LIN28B: variants seen among roughly 807,000 people sequenced by gnomAD.
LIN28B encodes lin-28 RNA binding posttranscriptional regulator B.
A neutral mutation model predicts 21.9 loss-of-function variants in LIN28B; 5 were observed. That is an observed-to-expected ratio of 0.23 (90% CI 0.12 to 0.48). LIN28B has a LOEUF of 0.48. LIN28B is among the 20% of genes least tolerant of loss of function. The pLI, the probability that LIN28B is intolerant of heterozygous loss-of-function variation, is 0.98. For missense variants in LIN28B, 245 were observed against 310.5 expected (o/e 0.79, Z 1.58); for synonymous variants, 109 against 111.3 (o/e 0.98, Z 0.13).
At chr6:104,983,645 C>T (rs561158867) in intron 2 of LIN28B, among the ~76,000 whole-genome samples, 20 of 152,292 alleles carry the variant, frequency 1.3e-4, no homozygotes, top group South Asian at 1.2e-3. Context: ...GGTGCTATCT[C>T]GGCTCGCTGC....
intron 3 of LIN28B, among the ~76,000 whole-genome samples, chr6:105,063,649 A>AAG (rs1554191040): frequency 4.3e-5 from 2 of 46,668 alleles, no homozygotes; most frequent in Admixed American, 2.2e-4. Context: ...GGGGGGGGGG[A>AAG]AAAAAAGGTA....
intron 3 of LIN28B, among the ~76,000 whole-genome samples, chr6:105,035,603 A>T (rs1190932680): frequency 6.6e-6 from 1 of 152,210 alleles, no homozygotes; most frequent in Non-Finnish European, 1.5e-5. Context: ...AACCTGGCTT[A>T]TGGTTATAAC....
intron 2 of LIN28B, among the ~76,000 whole-genome samples, chr6:105,012,195 C>T (rs761138581): frequency 6.7e-6 from 1 of 148,214 alleles, no homozygotes; most frequent in African/African-American, 2.5e-5. Flanking sequence ...GGGCTGGGTG[C>T]GGTGGCTCAC....
At chr6:105,043,588 GT>G (rs557033563) in intron 3 of LIN28B, among the ~76,000 whole-genome samples, 160 of 140,640 alleles carry the variant, frequency 1.1e-3, no homozygotes, top group Middle Eastern at 7.2e-3. Context: ...TTTGTTTATG[GT>G]TTTTTTTTTT....
Position 105,053,382 on chromosome 6 carries a change from GGTGT to G in LIN28B, c.384-25004_384-25001del, listed in dbSNP as rs112180054. ...AGTGTAGCCCAAATCTATGTCTTAT[GGTGT>G]GTGTGTGTGTGTGTGTGTGTGTGTG... is the stretch of plus-strand genomic sequence containing the variant. On this transcript the variant is annotated intron_variant, in intron 3 of 3. Coordinates refer to ENST00000345080, the MANE Select transcript of LIN28B (RefSeq NM_001004317.4). Among the ~76,000 whole-genome samples, 259 of 146,638 alleles carry G rather than the reference GGTGT, an allele frequency of 1.8e-3. 1 individual carries two copies. The highest frequency in any genetic ancestry group is 5.5e-3 in the East Asian group (27 of 4,890).
intron 2 of LIN28B, among the ~76,000 whole-genome samples, chr6:105,025,822 T>C (rs1771276310): frequency 6.6e-6 from 1 of 151,930 alleles, no homozygotes; most frequent in African/African-American, 2.4e-5. Flanking sequence ...TTTTTTTAAC[T>C]CAACAATATG....
chr6:104,995,007 C>T (rs1324069882), intron 2 of LIN28B, among the ~76,000 whole-genome samples: 1 of 152,130 alleles, frequency 6.6e-6, no homozygotes, highest in Non-Finnish European at 1.5e-5. Flanking sequence ...ACTTACTGTC[C>T]AAAGGAAATA....
chr6:104,997,267 C>T (rs1413516158), intron 2 of LIN28B, among the ~76,000 whole-genome samples: 10 of 139,828 alleles, frequency 7.2e-5, no homozygotes, highest in African/African-American at 2.4e-4. Context: ...CGCGACAGAA[C>T]GAGACTCCGT....
chr6:104,945,171 C>T (rs1387724399), intron 2 of LIN28B, among the ~76,000 whole-genome samples: 2 of 152,028 alleles, frequency 1.3e-5, no homozygotes, highest in Non-Finnish European at 2.9e-5. Context: ...TAGAAAAAAT[C>T]TGTAAATTAT....
intron 2 of LIN28B, chr6:104,940,101 A>T (rs1582852315): frequency 1.2e-5 from 2 of 164,644 alleles, no homozygotes; most frequent in African/African-American, 4.8e-5. Flanking sequence ...GAAAAGAAAC[A>T]GCTGACAGTA....
At chr6:104,996,438 A>G (rs1046335374) in intron 2 of LIN28B, among the ~76,000 whole-genome samples, 4 of 152,208 alleles carry the variant, frequency 2.6e-5, no homozygotes, top group African/African-American at 9.7e-5. Flanking sequence ...CTCTTGGCCT[A>G]ACAGATAGTG....
rs529940931 is a variant in LIN28B at position 105,082,331 on chromosome 6, G to A, written c.*3548G>A. 8 of 152,686 alleles carry A rather than the reference G, an allele frequency of 5.2e-5. No individual in the cohort carries two copies. Among genetic ancestry groups the A allele is most frequent in the Admixed American group, 2.0e-4 (3 of 15,294 alleles). The allele number at this position is 152,686 out of a possible 1,614,324, so 9.5% of individuals were successfully genotyped here. On this transcript the variant is annotated 3_prime_UTR_variant, in exon 4 of 4. Transcript: ENST00000345080. The stretch of plus-strand genomic sequence containing the variant: ...TGGCTCAGTTTTATTTTGCACCAGT[G>A]CGGCCCCAAGTTACTGCTGGTTGTA...
At chr6:105,011,767 C>A (rs1770928102) in intron 2 of LIN28B, among the ~76,000 whole-genome samples, 2 of 152,114 alleles carry the variant, frequency 1.3e-5, no homozygotes, top group Admixed American at 1.3e-4. Context: ...ATCACTTAAA[C>A]CCGGGACGTG....
At chr6:104,938,988 G>A (rs1015986283) in intron 2 of LIN28B, among the ~76,000 whole-genome samples, 15 of 151,914 alleles carry the variant, frequency 9.9e-5, no homozygotes, top group African/African-American at 3.6e-4. Flanking sequence ...CTTTAAATAG[G>A]TATTGCATAA....
intron 2 of LIN28B, among the ~76,000 whole-genome samples, chr6:104,949,363 G>A (rs1778192974): frequency 1.3e-5 from 2 of 152,100 alleles, no homozygotes; most frequent in Admixed American, 1.3e-4. Context: ...GCTAAGTGAA[G>A]GATTTAATGT....
At chr6:104,960,723 G>A (rs926376030) in intron 2 of LIN28B, among the ~76,000 whole-genome samples, 3 of 151,940 alleles carry the variant, frequency 2.0e-5, no homozygotes, top group Non-Finnish European at 2.9e-5. Flanking sequence ...AGGAACCTAG[G>A]ATACTTTTTC....
In LIN28B at chr6:104,944,922, A is replaced by G. The variant is rs1464766811; in HGVS notation, c.19-5539A>G. ...CAAAAGCTTAATTATATGGAAAAAA[A>G]GACTTGATGTTGAATGGCCAGTTCT... On this transcript the variant is annotated intron_variant, in intron 2 of 5. Transcript: ENST00000635857. 2.0e-5 allele frequency among the ~76,000 whole-genome samples: 3 copies of G among 152,128 alleles called. 1 individual carries two copies. Among genetic ancestry groups the G allele is most frequent in the Non-Finnish European group, 4.4e-5 (3 of 67,960 alleles).
At chr6:104,979,177 G>T (rs1423815176) in intron 2 of LIN28B, among the ~76,000 whole-genome samples, 3 of 151,492 alleles carry the variant, frequency 2.0e-5, no homozygotes. Context: ...TGGAGAAAAA[G>T]AATATAAAGA....
intron 2 of LIN28B, among the ~76,000 whole-genome samples, chr6:105,010,824 A>G (rs1770907569): frequency 6.6e-6 from 1 of 152,224 alleles, no homozygotes; most frequent in Non-Finnish European, 1.5e-5. Flanking sequence ...ATGGAACATT[A>G]TCTCATTCCA....
Sources: gnomAD v4.1 joint callset for allele counts (sites outside exome capture counted in the v4.1 genomes callset) on GRCh38, gnomAD v4.1.1 for gene constraint, MANE v1.5 for transcripts, NCBI Gene and HGNC (gene_info 2026-07-23, HGNC 2026-07-21) for gene names.